The following DLG2 variants were observed in gnomAD, a reference collection of about 807,000 sequenced individuals.
The protein encoded by DLG2 is disks large homolog 2.
Under a neutral mutation model 132.5 loss-of-function variants are expected in DLG2, and 45 were observed. The observed-to-expected ratio is 0.34, with a 90% CI of 0.27 to 0.44. The LOEUF (loss-of-function observed/expected upper bound fraction) is 0.44. Ranked by LOEUF, DLG2 falls within the 20% of genes least tolerant of loss-of-function variation. The pLI is 1.00. For missense variants in DLG2, 1,045 were observed against 1,196.9 expected (o/e 0.87, Z 1.87); for synonymous variants, 424 against 419.6 (o/e 1.01, Z -0.13).
chr11:84,090,224 G>C (rs975613775), intron 10 of DLG2, among the ~76,000 whole-genome samples: 3 of 151,886 alleles, frequency 2.0e-5, no homozygotes, highest in Non-Finnish European at 4.4e-5. Context: ...GACCAGCCTG[G>C]CCAACATGGT....
intron 6 of DLG2, among the ~76,000 whole-genome samples, chr11:84,791,897 G>T (rs1461123190): frequency 6.6e-6 from 1 of 152,006 alleles, no homozygotes; most frequent in Admixed American, 6.6e-5. Flanking sequence ...TTTGGTATCT[G>T]CTTTTCCAAC....
intron 10 of DLG2, among the ~76,000 whole-genome samples, chr11:84,082,808 T>C (rs1328946715): frequency 6.6e-6 from 1 of 152,184 alleles, no homozygotes; most frequent in Non-Finnish European, 1.5e-5. Context: ...AAAAATTTAA[T>C]GAATGGTAGC....
intron 11 of DLG2, among the ~76,000 whole-genome samples, chr11:84,035,348 T>C (rs1054381872): frequency 7.9e-5 from 12 of 152,328 alleles, no homozygotes; most frequent in Admixed American, 7.9e-4. Flanking sequence ...CTAGAGCTTA[T>C]ATTCTAGTGT....
intron 3 of DLG2, among the ~76,000 whole-genome samples, chr11:85,290,752 G>A (rs2078843069): frequency 2.0e-5 from 3 of 151,914 alleles, no homozygotes; most frequent in Admixed American, 6.6e-5. Context: ...TGACTTCTAG[G>A]TGAGAGCTGA....
At chr11:83,771,549 A>G (rs1051761772) in intron 18 of DLG2, among the ~76,000 whole-genome samples, 5 of 152,204 alleles carry the variant, frequency 3.3e-5, no homozygotes, top group Admixed American at 6.5e-5. Context: ...TGCGCTACAA[A>G]TATGTACAGC....
chr11:84,432,438 G>C (rs997232820), intron 7 of DLG2, among the ~76,000 whole-genome samples: 1 of 152,298 alleles, frequency 6.6e-6, no homozygotes, highest in African/African-American at 2.4e-5. Context: ...ATCTACTGAA[G>C]CATAAATGTT....
intron 8 of DLG2, among the ~76,000 whole-genome samples, chr11:84,217,259 A>G (rs1349255651): frequency 6.6e-6 from 1 of 152,194 alleles, no homozygotes; most frequent in Non-Finnish European, 1.5e-5. Context: ...ATCTTGAATT[A>G]TAGCTTCCAC....
At chr11:84,437,165 G>A (rs927649710) in intron 7 of DLG2, among the ~76,000 whole-genome samples, 1 of 152,086 alleles carries the variant, frequency 6.6e-6, no homozygotes, top group Admixed American at 6.5e-5. Flanking sequence ...ATTTCACCAC[G>A]CATTTTGAAT....
intron 21 of DLG2, among the ~76,000 whole-genome samples, chr11:83,520,154 C>T (rs188568036): frequency 6.5e-4 from 99 of 152,210 alleles, no homozygotes; most frequent in African/African-American, 2.2e-3. Flanking sequence ...ACATAAAAGG[C>T]GAATGGCATA....
rs150168692 is a variant in DLG2 at position 84,486,211 on chromosome 11, G to A, written c.519+48359C>T. Among the ~76,000 whole-genome samples, 714 of 152,124 alleles carry A rather than the reference G, an allele frequency of 4.7e-3. 7 individuals carry two copies. Among genetic ancestry groups the A allele is most frequent in the African/African-American group, 0.017 (694 of 41,486 alleles). On this transcript the variant is annotated intron_variant, in intron 7 of 27. Coordinates refer to ENST00000376104, the MANE Select transcript of DLG2 (RefSeq NM_001142699.3). Reference sequence around the variant, plus strand: ...GAGGTAGATCTCAATAAAGGGTTGAGTGACAAAAGTATTATCTGTGAGTAG... The same window carrying A: ...GAGGTAGATCTCAATAAAGGGTTGAATGACAAAAGTATTATCTGTGAGTAG...
chr11:84,094,967 G>A lies in DLG2; in HGVS notation c.749+3956C>T, dbSNP rs186364777. On this transcript the variant is annotated intron_variant, in intron 10 of 27. Coordinates refer to ENST00000376104, the MANE Select transcript of DLG2 (RefSeq NM_001142699.3). ...GCAAAGGAAACATAGCAGATTCAGT[G>A]GCTTACATTATAAACTTGAGAATAG... is the stretch of plus-strand genomic sequence containing the variant. 2.6e-5 allele frequency among the ~76,000 whole-genome samples: 4 copies of A among 152,076 alleles called. No homozygotes were observed. The East Asian group carries it at 7.7e-4, about 29-fold the overall frequency.
intron 3 of DLG2, among the ~76,000 whole-genome samples, chr11:85,584,770 CAT>C (rs1425441849): frequency 1.4e-4 from 22 of 152,256 alleles, no homozygotes; most frequent in Middle Eastern, 6.8e-3. Context: ...AGCATTTTCT[CAT>C]ATGTTTGTTG....
intron 14 of DLG2, among the ~76,000 whole-genome samples, chr11:83,956,492 C>G (rs967318955): frequency 2.0e-5 from 3 of 152,240 alleles, no homozygotes; most frequent in Non-Finnish European, 1.5e-5. Flanking sequence ...ATGGGCCCCA[C>G]ACGGAGCTTG....
intron 4 of DLG2, among the ~76,000 whole-genome samples, chr11:85,232,360 C>T (rs1003383336): frequency 5.3e-5 from 8 of 151,776 alleles, no homozygotes; most frequent in Non-Finnish European, 1.0e-4. Flanking sequence ...TAGTCCACTT[C>T]AGGTTATAGA....
chr11:84,582,099 G>A (rs532955073), intron 6 of DLG2, among the ~76,000 whole-genome samples: 93 of 151,948 alleles, frequency 6.1e-4, no homozygotes, highest in African/African-American at 2.1e-3. Context: ...AGAAAGGCTA[G>A]CAAGATAAAG....
Position 84,502,186 on chromosome 11 carries a change from TTC to T in DLG2, c.519+32382_519+32383del, listed in dbSNP as rs1555630792. Among the ~76,000 whole-genome samples, 68 of 12,874 alleles carry T rather than the reference TTC, an allele frequency of 5.3e-3. 7 individuals are homozygous for T. The highest frequency in any genetic ancestry group is 0.013 in the East Asian group (11 of 820). 8.4% of individuals were successfully genotyped at this position (12,874 alleles called of 152,430 possible). Reference sequence around the variant, plus strand: ...TCTCTCTCTCTCTCTTTCTCTCTCTTTCTCTCTCTCTCTCTCCTTCCTTCCTT... The same window carrying T: ...TCTCTCTCTCTCTCTTTCTCTCTCTTTCTCTCTCTCTCTCCTTCCTTCCTT... On this transcript the variant is annotated intron_variant, in intron 7 of 27. Coordinates refer to ENST00000376104, the MANE Select transcript of DLG2 (RefSeq NM_001142699.3).
At chr11:84,645,235 C>T (rs1250810390) in intron 6 of DLG2, among the ~76,000 whole-genome samples, 1 of 152,032 alleles carries the variant, frequency 6.6e-6, no homozygotes, top group African/African-American at 2.4e-5. Context: ...CGTCTCTGAA[C>T]CTCAAATTAT....
chr11:84,855,838 C>A (rs2082711974), intron 6 of DLG2, among the ~76,000 whole-genome samples: 2 of 152,000 alleles, frequency 1.3e-5, no homozygotes, highest in African/African-American at 2.4e-5. Flanking sequence ...AGAGATTCTT[C>A]AGGTCATAGT....
intron 4 of DLG2, among the ~76,000 whole-genome samples, chr11:85,233,505 G>T (rs926991533): frequency 4.6e-5 from 7 of 151,728 alleles, no homozygotes; most frequent in Non-Finnish European, 7.4e-5. Context: ...AAAGCATAAG[G>T]CTACCCACTC....
Sources: gnomAD v4.1 joint callset for allele counts (sites outside exome capture counted in the v4.1 genomes callset) on GRCh38, gnomAD v4.1.1 for gene constraint, MANE v1.5 for transcripts, NCBI Gene and HGNC (gene_info 2026-07-23, HGNC 2026-07-21) for gene names.